Variants in FHIT observed in about 807,000 individuals in gnomAD.
FHIT encodes the protein fragile histidine triad diadenosine triphosphatase, also known as bis(5'-adenosyl)-triphosphatase.
Under a neutral mutation model 17.9 loss-of-function variants are expected in FHIT, and 19 were observed. The ratio of observed to expected loss-of-function variants is 1.06; its 90% confidence interval spans 0.74 to 1.56. The LOEUF is 1.56. Among genes scored for constraint, FHIT ranks in the 40% most tolerant of loss-of-function variants. The probability of loss-of-function intolerance (pLI) is 0.00; values close to 1 mark genes in which losing one functional copy is unlikely to be tolerated. For synonymous variants in FHIT, 81 were observed against 69.7 expected (o/e 1.16, Z -0.81); for missense variants, 248 against 189.2 (o/e 1.31, Z -1.82).
chr3:60,289,920 A>T (rs1328132726), intron 5 of FHIT, among the ~76,000 whole-genome samples: 1 of 152,210 alleles, frequency 6.6e-6, no homozygotes, highest in African/African-American at 2.4e-5. Flanking sequence ...ATTCTAAATG[A>T]CTGTTCATAT....
intron 4 of FHIT, among the ~76,000 whole-genome samples, chr3:60,815,419 T>C (rs782289050): frequency 4.6e-5 from 7 of 152,208 alleles, no homozygotes; most frequent in Non-Finnish European, 2.9e-5. Context: ...TTGTATATGG[T>C]GAAATGTAGG....
chr3:60,192,823 T>A (rs986171392), intron 5 of FHIT, among the ~76,000 whole-genome samples: 2 of 152,206 alleles, frequency 1.3e-5, no homozygotes, highest in African/African-American at 4.8e-5. Context: ...GGTTTTGACT[T>A]TTCGTAACCA....
chr3:60,544,368 T>A (rs576878057), intron 4 of FHIT, among the ~76,000 whole-genome samples: 16 of 152,072 alleles, frequency 1.1e-4, no homozygotes, highest in African/African-American at 1.9e-4. Flanking sequence ...TTAAAAAAAA[T>A]TGGTTTTATG....
intron 5 of FHIT, among the ~76,000 whole-genome samples, chr3:60,042,755 C>A (rs1293912812): frequency 6.6e-6 from 1 of 151,788 alleles, no homozygotes; most frequent in African/African-American, 2.4e-5. Flanking sequence ...TACAATTCAA[C>A]CCATAACAGA....
intron 2 of FHIT, among the ~76,000 whole-genome samples, chr3:61,116,766 C>T (rs981298972): frequency 4.6e-5 from 7 of 152,100 alleles, no homozygotes; most frequent in Non-Finnish European, 5.9e-5. Flanking sequence ...GTCCTCTCTG[C>T]TACATATTAG....
chr3:59,824,466 A>C (rs929140711), intron 8 of FHIT, among the ~76,000 whole-genome samples: 6 of 152,238 alleles, frequency 3.9e-5, no homozygotes, highest in African/African-American at 1.4e-4. Context: ...AACTCAATAC[A>C]TGTCTGTTAT....
At chr3:59,819,406 T>C (rs974976560) in intron 8 of FHIT, among the ~76,000 whole-genome samples, 2 of 152,236 alleles carry the variant, frequency 1.3e-5, no homozygotes, top group Non-Finnish European at 2.9e-5. Context: ...TGTTTGTCTG[T>C]ACTTCATATT....
chr3:60,857,127 T>C (rs532365655), intron 3 of FHIT, among the ~76,000 whole-genome samples: 1 of 152,112 alleles, frequency 6.6e-6, no homozygotes, highest in East Asian at 1.9e-4. Flanking sequence ...TGAACATACA[T>C]ACAATAAATG....
chr3:60,215,034 G>T (rs765160958), intron 5 of FHIT, among the ~76,000 whole-genome samples: 1 of 151,886 alleles, frequency 6.6e-6, no homozygotes, highest in Non-Finnish European at 1.5e-5. Flanking sequence ...AGATGAGGAG[G>T]GGCACATGGA....
At chr3:60,323,192 C>T (rs756360804) in intron 5 of FHIT, among the ~76,000 whole-genome samples, 6 of 152,048 alleles carry the variant, frequency 3.9e-5, no homozygotes, top group East Asian at 1.9e-4. Flanking sequence ...CTCAAGGGGA[C>T]GCAGGGCTCC....
chr3:60,175,418 G>C (rs1345056646), intron 5 of FHIT, among the ~76,000 whole-genome samples: 1 of 152,122 alleles, frequency 6.6e-6, no homozygotes, highest in Non-Finnish European at 1.5e-5. Flanking sequence ...CAGGGTCTGA[G>C]ATAATAGCAT....
At chr3:59,957,495 T>A (rs1707462491) in intron 7 of FHIT, among the ~76,000 whole-genome samples, 1 of 152,232 alleles carries the variant, frequency 6.6e-6, no homozygotes, top group Non-Finnish European at 1.5e-5. Flanking sequence ...TAAAAACTAA[T>A]GCAGTCAGTA....
In FHIT at chr3:60,734,284, TAG is replaced by T. The variant is rs570573687; in HGVS notation, c.-18+87633_-18+87634del. Among the ~76,000 whole-genome samples the T allele has an allele frequency of 7.9e-5, 12 of 152,318 alleles. No homozygotes were observed. In the South Asian group the frequency reaches 2.1e-3, roughly 26 times the overall value. ...CATCTTGTTTATTTCTATTAAGAAATAGAGTTGGCATGAGAGCTGAAGATCCT... is the reference window on the plus strand; with the variant it reads ...CATCTTGTTTATTTCTATTAAGAAATAGTTGGCATGAGAGCTGAAGATCCT... On this transcript the variant is annotated intron_variant, in intron 4 of 9. Coordinates refer to ENST00000492590, the MANE Select transcript of FHIT (RefSeq NM_002012.4).
intron 5 of FHIT, among the ~76,000 whole-genome samples, chr3:60,333,278 C>A (rs1429848255): frequency 2.0e-5 from 3 of 152,184 alleles, no homozygotes; most frequent in Non-Finnish European, 2.9e-5. Flanking sequence ...CTCTTGCTCT[C>A]CCATGAGTCA....
chr3:59,958,265 C>A (rs1002027531), intron 7 of FHIT, among the ~76,000 whole-genome samples: 7 of 152,166 alleles, frequency 4.6e-5, no homozygotes, highest in African/African-American at 1.7e-4. Context: ...TCATCTAATT[C>A]AGCAAACTAT....
At chr3:60,497,968 T>G (rs970684573) in intron 5 of FHIT, among the ~76,000 whole-genome samples, 1 of 152,208 alleles carries the variant, frequency 6.6e-6, no homozygotes, top group Non-Finnish European at 1.5e-5. Flanking sequence ...AAGGGCAAGA[T>G]AGTAAATATT....
intron 7 of FHIT, among the ~76,000 whole-genome samples, chr3:59,944,550 G>C (rs115270610): frequency 0.011 from 1,649 of 151,438 alleles, 30 homozygotes; most frequent in African/African-American, 0.038. Flanking sequence ...TTAGGTTCAA[G>C]AGTTTAAGCG....
chr3:60,923,126 G>A (rs1707371598), intron 3 of FHIT, among the ~76,000 whole-genome samples: 1 of 152,210 alleles, frequency 6.6e-6, no homozygotes, highest in Non-Finnish European at 1.5e-5. Context: ...CAATCTGCAA[G>A]TGGTTTATGG....
chr3:60,201,881 T>C (rs973946319), intron 5 of FHIT, among the ~76,000 whole-genome samples: 3 of 152,122 alleles, frequency 2.0e-5, no homozygotes, highest in African/African-American at 4.8e-5. Flanking sequence ...TTAGAAATTC[T>C]TGATTGAATT....
Sources: gnomAD v4.1 joint callset for allele counts (sites outside exome capture counted in the v4.1 genomes callset) on GRCh38, gnomAD v4.1.1 for gene constraint, MANE v1.5 for transcripts, NCBI Gene and HGNC (gene_info 2026-07-23, HGNC 2026-07-21) for gene names.